RAB3GAP2: variants seen among roughly 807,000 people sequenced by gnomAD.
The protein encoded by RAB3GAP2 is RAB3 GTPase activating non-catalytic protein subunit 2.
A neutral mutation model predicts 185.3 loss-of-function variants in RAB3GAP2; 87 were observed. The ratio of observed to expected loss-of-function variants is 0.47; its 90% CI spans 0.39 to 0.56. The LOEUF is 0.56. Ranked by LOEUF, RAB3GAP2 falls within the 20% of genes least tolerant of loss-of-function variation. The pLI, the probability that RAB3GAP2 is intolerant of heterozygous loss-of-function variation, is 0.00. For missense variants in RAB3GAP2, 1,492 were observed against 1,638.2 expected (o/e 0.91, Z 1.54); for synonymous variants, 554 against 576.1 (o/e 0.96, Z 0.55).
intron 13 of RAB3GAP2, among the ~76,000 whole-genome samples, chr1:220,192,443 G>A (rs1267028114): frequency 6.6e-6 from 1 of 152,188 alleles, no homozygotes; most frequent in Non-Finnish European, 1.5e-5. Context: ...TATTCCAGAT[G>A]ATTCTAAATA....
chr1:220,179,663 T>C (rs1658363666), intron 21 of RAB3GAP2, among the ~76,000 whole-genome samples: 1 of 152,120 alleles, frequency 6.6e-6, no homozygotes, highest in African/African-American at 2.4e-5. Flanking sequence ...CAAAATCATG[T>C]GAAGTATTTA....
At chr1:220,162,314 A>G (rs779071669) in intron 27 of RAB3GAP2, 46 bp from the exon 28 acceptor site, 1 of 1,270,606 alleles carries the variant, frequency 7.9e-7, no homozygotes, top group African/African-American at 1.5e-5. Context: ...ATATAGTCTC[A>G]CTTTTATTAC....
At chr1:220,223,694 TAA>T (rs199729434) in intron 2 of RAB3GAP2, among the ~76,000 whole-genome samples, 10 of 143,846 alleles carry the variant, frequency 7.0e-5, no homozygotes, top group Non-Finnish European at 1.1e-4. Context: ...ATATTTCACT[TAA>T]AAAAAAAAAA....
Position 220,151,257 on chromosome 1 carries a change from AGAAG to A in RAB3GAP2, c.4172_4175del (p.Pro1391LeufsTer11). On this transcript the variant is annotated frameshift_variant, in exon 35 of 35. Transcript: ENST00000358951. LOFTEE classifies it high-confidence loss of function. ...TATTTCCAGTAGGTAAGTGTCATAA[AGAAG>A]GAAGAGATATGGCTTCCACAGCTTC... is the stretch of plus-strand genomic sequence containing the variant. 6.2e-7 allele frequency: 1 copy of A among 1,613,800 alleles called. No homozygotes were observed. The highest frequency in any genetic ancestry group is 8.5e-7 in the Non-Finnish European group (1 of 1,179,842).
intron 1 of RAB3GAP2, among the ~76,000 whole-genome samples, chr1:220,235,199 G>T (rs1391034585): frequency 6.6e-6 from 1 of 152,138 alleles, no homozygotes; most frequent in Non-Finnish European, 1.5e-5. Flanking sequence ...TTTAAAAATA[G>T]AAACATTCCC....
chr1:220,270,005 C>G (rs1031549770), intron 1 of RAB3GAP2, among the ~76,000 whole-genome samples: 2 of 152,156 alleles, frequency 1.3e-5, no homozygotes, highest in African/African-American at 2.4e-5. Flanking sequence ...CTTTTTAACC[C>G]CTTATCCTAT....
At chr1:220,261,849 T>C (rs1660142968) in intron 1 of RAB3GAP2, among the ~76,000 whole-genome samples, 1 of 152,164 alleles carries the variant, frequency 6.6e-6, no homozygotes, top group African/African-American at 2.4e-5. Flanking sequence ...TGAGCCAAGA[T>C]ATTGATCCTT....
intron 22 of RAB3GAP2, 85 bp downstream of exon 22, chr1:220,172,552 G>T: frequency 1.1e-6 from 1 of 901,784 alleles, no homozygotes; most frequent in Non-Finnish European, 1.9e-6. Context: ...GACTCCTTTT[G>T]TTAAGGGATC....
chr1:220,182,638 T>C, intron 20 of RAB3GAP2, 80 bp downstream of exon 20: 1 of 1,279,892 alleles, frequency 7.8e-7, no homozygotes, highest in Non-Finnish European at 1.1e-6. Context: ...ACAAATGGAA[T>C]CTCTGAGATG....
At chr1:220,182,172 C>T (rs1176229934) in intron 21 of RAB3GAP2, 85 bp downstream of exon 21, 7 of 1,587,036 alleles carry the variant, frequency 4.4e-6, no homozygotes, top group Middle Eastern at 1.7e-4. Flanking sequence ...TCCTAAAAGA[C>T]AATAGTTAAA....
chr1:220,154,201 C>A (rs1465163192), intron 31 of RAB3GAP2, 144 bp from the exon 32 acceptor site: 1 of 1,209,238 alleles, frequency 8.3e-7, no homozygotes, highest in Non-Finnish European at 1.1e-6. Context: ...ATTTTTATAA[C>A]AATTATCTAG....
intron 1 of RAB3GAP2, among the ~76,000 whole-genome samples, 184 bp from the exon 2 acceptor site, chr1:220,233,047 T>C (rs983432114): frequency 1.3e-5 from 2 of 152,224 alleles, no homozygotes; most frequent in African/African-American, 4.8e-5. Context: ...ATATTTGACC[T>C]ACTGAATTTC....
At chr1:220,197,553 A>G (rs1658753104) in intron 9 of RAB3GAP2, among the ~76,000 whole-genome samples, 1 of 152,174 alleles carries the variant, frequency 6.6e-6, no homozygotes, top group Admixed American at 6.6e-5. Flanking sequence ...TCTCATAGTC[A>G]TGAATGAATC....
chr1:220,213,895 T>C lies in RAB3GAP2; in HGVS notation c.265A>G (p.Met89Val), dbSNP rs1659133663. The C allele has an allele frequency of 6.2e-7, 1 of 1,613,376 alleles. No homozygotes were observed. The highest frequency in any genetic ancestry group is 2.2e-5 in the East Asian group (1 of 44,840). ...GCTTTTTGCTCTCGAGCTATCACCA[T>C]AAGATCATTGGTTGGAGATAAGGAT... The part of the protein sequence containing the change: ...VLSLSPTNDL[M>V]VIAREQKAVF... Residue 89 changes from methionine to valine, a missense_variant, in exon 3 of 35, where the codon ATG becomes GTG. By Grantham distance (21) the Met-to-Val change is conservative (BLOSUM62 1). Coordinates refer to ENST00000358951, the MANE Select transcript of RAB3GAP2 (RefSeq NM_012414.4).
At chr1:220,270,907 C>T (rs1413318114) in intron 1 of RAB3GAP2, among the ~76,000 whole-genome samples, 1 of 152,154 alleles carries the variant, frequency 6.6e-6, no homozygotes, top group Admixed American at 6.6e-5. Context: ...GCCTCATTGC[C>T]CCAACTCTTC....
rs1657681579 is a variant in RAB3GAP2, at chr1:220,148,821, C to CTAGT, written c.*2426_*2429dup. On this transcript the variant is annotated 3_prime_UTR_variant, in exon 35 of 35. Transcript: ENST00000358951. Reference sequence around the variant, plus strand: ...TTTATCTACATTTACCCTGGCCCCTCTAGTTCTGCATCTAAACAGAACCTG... The same window carrying CTAGT: ...TTTATCTACATTTACCCTGGCCCCTCTAGTTAGTTCTGCATCTAAACAGAACCTG... 1 of 152,100 alleles carries CTAGT rather than the reference C, an allele frequency of 6.6e-6. No homozygotes were observed. The highest frequency in any genetic ancestry group is 2.4e-5 in the African/African-American group (1 of 41,434). 9.4% of individuals were successfully genotyped at this position (152,100 alleles called of 1,614,324 possible).
chr1:220,260,480 C>A (rs1410924408), intron 1 of RAB3GAP2, among the ~76,000 whole-genome samples: 9 of 151,876 alleles, frequency 5.9e-5, no homozygotes, highest in Non-Finnish European at 8.8e-5. Flanking sequence ...TTATTCTCAG[C>A]AAACTAATGC....
chr1:220,236,095 G>A (rs1308556924), intron 1 of RAB3GAP2, among the ~76,000 whole-genome samples: 2 of 152,204 alleles, frequency 1.3e-5, no homozygotes, highest in African/African-American at 4.8e-5. Flanking sequence ...TACTATGAGA[G>A]AATGCATTCC....
rs138175993 is a variant in RAB3GAP2, at chr1:220,176,305, T to C, written c.2311-3563A>G. Among the ~76,000 whole-genome samples the C allele has an allele frequency of 3.9e-4, 60 of 152,322 alleles. 1 individual carries two copies. In the East Asian group the frequency reaches 7.5e-3, roughly 19 times the overall value. On this transcript the variant is annotated intron_variant, in intron 21 of 34. Coordinates refer to ENST00000358951, the MANE Select transcript of RAB3GAP2 (RefSeq NM_012414.4). ...TATATATTGACATATAACCAGATGA[T>C]GTCTAAATAATAGATTTTGAGTAAC...
Sources: allele counts gnomAD v4.1 joint callset (sites outside exome capture counted in the v4.1 genomes callset), GRCh38; gene constraint gnomAD v4.1.1; transcripts MANE v1.5; gene names NCBI Gene and HGNC (gene_info 2026-07-23, HGNC 2026-07-21).